UTS2: variants seen among roughly 807,000 people sequenced by gnomAD.
UTS2 encodes urotensin-2.
Under a neutral mutation model 12.6 loss-of-function variants are expected in UTS2, and 10 were observed. The observed-to-expected ratio is 0.80, with a 90% confidence interval of 0.49 to 1.35. The LOEUF is 1.35. UTS2 is among the 40% of genes most tolerant of loss of function. The pLI is 0.00. For synonymous variants in UTS2, 52 were observed against 50.0 expected (o/e 1.04, Z -0.17); for missense variants, 142 against 143.2 (o/e 0.99, Z 0.04).
the UTS2 span, among the ~76,000 whole-genome samples, chr1:7,899,424 T>C: frequency 6.6e-6 from 1 of 152,324 alleles, no homozygotes; most frequent in Middle Eastern, 3.4e-3. Flanking sequence ...GTCGATGCAG[T>C]TAGGTGTTTT....
chr1:7,897,424 C>G, the UTS2 span, among the ~76,000 whole-genome samples: 1 of 152,170 alleles, frequency 6.6e-6, no homozygotes, highest in Non-Finnish European at 1.5e-5. Flanking sequence ...GTCATATTGT[C>G]AAGTTCCTTG....
At chr1:7,891,883 G>T in the UTS2 span, among the ~76,000 whole-genome samples, 1 of 152,334 alleles carries the variant, frequency 6.6e-6, no homozygotes, top group East Asian at 1.9e-4. Context: ...ACAGGTGAGT[G>T]GTTGTTTGGA....
the UTS2 span, among the ~76,000 whole-genome samples, chr1:7,895,376 AT>A: frequency 2.0e-4 from 31 of 151,628 alleles, no homozygotes; most frequent in Admixed American, 6.6e-4. Flanking sequence ...TCCCAAAAAA[AT>A]AAATAAATAA....
chr1:7,868,646 G>A, the UTS2 span, among the ~76,000 whole-genome samples: 1 of 152,244 alleles, frequency 6.6e-6, no homozygotes, highest in African/African-American at 2.4e-5. Context: ...AAACAACCTA[G>A]GTGGCCTTGG....
At chr1:7,876,638 C>T in the UTS2 span, among the ~76,000 whole-genome samples, 3 of 152,086 alleles carry the variant, frequency 2.0e-5, no homozygotes, top group African/African-American at 7.2e-5. Context: ...GACTGGCACA[C>T]CTGACTTGCC....
the UTS2 span, among the ~76,000 whole-genome samples, chr1:7,898,990 A>G: frequency 6.6e-6 from 1 of 152,192 alleles, no homozygotes; most frequent in African/African-American, 2.4e-5. Flanking sequence ...CTGTACAGGA[A>G]GCATGGCTGG....
At chr1:7,892,701 G>T in the UTS2 span, among the ~76,000 whole-genome samples, 1 of 151,618 alleles carries the variant, frequency 6.6e-6, no homozygotes, top group South Asian at 2.1e-4. Context: ...TGCCCAGACC[G>T]GTCTCAAACT....
chr1:7,874,290 C>G, the UTS2 span, among the ~76,000 whole-genome samples: 2 of 152,188 alleles, frequency 1.3e-5, no homozygotes, highest in Non-Finnish European at 2.9e-5. Flanking sequence ...AGAGAGCCGC[C>G]TGCATTGTTC....
the UTS2 span, among the ~76,000 whole-genome samples, chr1:7,892,169 C>T: frequency 1.3e-5 from 2 of 152,194 alleles, no homozygotes; most frequent in African/African-American, 4.8e-5. Context: ...CATGAATTTC[C>T]TGTTGCTGCT....
the UTS2 span, among the ~76,000 whole-genome samples, chr1:7,862,992 TGTA>T: frequency 2.5e-3 from 47 of 18,758 alleles, no homozygotes; most frequent in Non-Finnish European, 4.3e-3. Flanking sequence ...TGTGTTGTGT[TGTA>T]TTGTATTGTA....
chr1:7,850,888 C>A lies in UTS2; in HGVS notation c.138G>T (p.Glu46Asp), dbSNP rs779208983. The A allele has an allele frequency of 5.6e-6, 9 of 1,614,128 alleles. No individual in the cohort carries two copies. The highest frequency in any genetic ancestry group is 6.8e-6 in the Non-Finnish European group (8 of 1,179,972). ...PHEDARLTPE[E>D]LERASLLQIL... ...TCTGTAGAAGGGAAGCTCTTTCTAG[C>A]TCCTCCGGAGTTAAGCGCGCGTCTT... Residue 46 changes from glutamate (E) to aspartate (D), a missense_variant, in exon 2 of 4, where the codon GAG becomes GAT. Glu to Asp is a conservative substitution (Grantham distance 45). Coordinates refer to ENST00000361696, the MANE Select transcript of UTS2 (RefSeq NM_006786.4).
At chr1:7,903,734 G>T in the UTS2 span, among the ~76,000 whole-genome samples, 1 of 152,118 alleles carries the variant, frequency 6.6e-6, no homozygotes, top group Non-Finnish European at 1.5e-5. Context: ...AAGATTGGGG[G>T]TTGCAGGAGT....
the UTS2 span, among the ~76,000 whole-genome samples, chr1:7,909,746 A>G: frequency 6.6e-6 from 1 of 151,638 alleles, no homozygotes; most frequent in South Asian, 2.1e-4. Context: ...TCAGCCTCCC[A>G]AGTAGCTGGG....
the UTS2 span, among the ~76,000 whole-genome samples, chr1:7,876,269 T>A: frequency 6.6e-6 from 1 of 152,044 alleles, no homozygotes; most frequent in African/African-American, 2.4e-5. Flanking sequence ...CGGGGGATAT[T>A]GAGGATAGGA....
the UTS2 span, among the ~76,000 whole-genome samples, chr1:7,892,849 G>A: frequency 6.6e-6 from 1 of 151,984 alleles, no homozygotes; most frequent in Non-Finnish European, 1.5e-5. Flanking sequence ...AGATAATCCA[G>A]GGAACTCTCC....
intron 3 of UTS2, among the ~76,000 whole-genome samples, 197 bp from the exon 4 acceptor site, chr1:7,848,079 T>C (rs2097409721): frequency 6.6e-6 from 1 of 152,186 alleles, no homozygotes; most frequent in East Asian, 1.9e-4. Context: ...CTACCTCTAA[T>C]GAGTGTCCTT....
At chr1:7,890,969 C>A in the UTS2 span, among the ~76,000 whole-genome samples, 1 of 44,238 alleles carries the variant, frequency 2.3e-5, no homozygotes, top group South Asian at 9.1e-4. Flanking sequence ...TACCCTCCAC[C>A]CCCCCCCACA....
At position 7,850,771 on chromosome 1, in the gene UTS2, C is replaced by T. The variant is rs552387361; in HGVS notation, c.214+41G>A. The T allele has an allele frequency of 1.6e-5, 25 of 1,588,160 alleles. No individual in the cohort carries two copies. The African/African-American group carries it at 3.4e-4, about 21-fold the overall frequency. The stretch of plus-strand genomic sequence containing the variant: ...TGAGGACAGACGGTAAGTTCAGTAG[C>T]AATTAAATCAGACACGCTATAAACA... On this transcript the variant is annotated intron_variant, in intron 2 of 3. Coordinates refer to ENST00000361696, the MANE Select transcript of UTS2 (RefSeq NM_006786.4).
At chr1:7,891,345 G>A in the UTS2 span, among the ~76,000 whole-genome samples, 8 of 152,050 alleles carry the variant, frequency 5.3e-5, no homozygotes, top group Admixed American at 4.6e-4. Flanking sequence ...GGCCAACATG[G>A]TGAAACCCGG....
Sources: gnomAD v4.1 joint callset for allele counts (sites outside exome capture counted in the v4.1 genomes callset) on GRCh38, gnomAD v4.1.1 for gene constraint, MANE v1.5 for transcripts, NCBI Gene and HGNC (gene_info 2026-07-23, HGNC 2026-07-21) for gene names.